PIGN: variants seen among roughly 807,000 people sequenced by gnomAD.
PIGN encodes GPI ethanolamine phosphate transferase 1.
PIGN carries 117 observed loss-of-function variants against 125.4 expected under a neutral mutation model. That is an observed-to-expected ratio of 0.93 (90% CI 0.80 to 1.09). The LOEUF (loss-of-function observed/expected upper bound fraction) is 1.09, where lower values mean the gene tolerates loss of function less well. Among genes scored for constraint, PIGN ranks in the 50% least tolerant of loss-of-function variants. PIGN has a pLI of 0.00. For synonymous variants in PIGN, 392 were observed against 377.8 expected (o/e 1.04, Z -0.44); for missense variants, 1,075 against 1,094.9 (o/e 0.98, Z 0.26).
chr18:62,030,852 A>C (rs1376119799), intron 23 of PIGN, among the ~76,000 whole-genome samples: 1 of 152,166 alleles, frequency 6.6e-6, no homozygotes, highest in Non-Finnish European at 1.5e-5. Context: ...AGTGTCATGC[A>C]CCTACTCAAG....
At chr18:62,080,112 C>G (rs1296351890) in intron 28 of PIGN, among the ~76,000 whole-genome samples, 1 of 152,130 alleles carries the variant, frequency 6.6e-6, no homozygotes, top group African/African-American at 2.4e-5. Context: ...TGCTAGATCA[C>G]ATTGTTGACA....
chr18:62,092,673 G>A (rs78543817), intron 23 of PIGN, among the ~76,000 whole-genome samples: 10,818 of 152,008 alleles, frequency 0.071, 663 homozygotes, highest in African/African-American at 0.16. Flanking sequence ...AGACAAATAC[G>A]GGGGTAACAC....
At chr18:62,116,463 A>C (rs1042443045) in intron 14 of PIGN, among the ~76,000 whole-genome samples, 7 of 152,172 alleles carry the variant, frequency 4.6e-5, no homozygotes, top group African/African-American at 1.7e-4. Flanking sequence ...CCATTATCGC[A>C]AATGTGTACC....
At position 62,041,648 on chromosome 18, in the gene PIGN, TGTGTGTGTGTG is replaced by T. The variant is rs2030383930; in HGVS notation, c.*4197_*4207del. The stretch of plus-strand genomic sequence containing the variant: ...AGCCTACCACCCCGCCGGGTGTGTG[TGTGTGTGTGTG>T]TGTGTGTGTGTGTGTGTGTGTGTGT... On this transcript the variant is annotated 3_prime_UTR_variant, in exon 31 of 31. Transcript: ENST00000640252. The T allele has an allele frequency of 9.0e-6, 1 of 110,710 alleles. No individual in the cohort carries two copies. The highest frequency in any genetic ancestry group is 3.4e-5 in the African/African-American group (1 of 29,590). The allele number at this position is 110,710 out of a possible 1,614,324, so 6.9% of individuals were successfully genotyped here. A position where few individuals can be genotyped will look rare whatever the true frequency, so the allele number is the denominator to read the frequency against.
intron 23 of PIGN, among the ~76,000 whole-genome samples, chr18:62,029,040 C>T (rs936705980): frequency 1.1e-4 from 17 of 152,174 alleles, no homozygotes; most frequent in African/African-American, 3.4e-4. Flanking sequence ...CACTGGACTG[C>T]GGACATGGAG....
chr18:62,148,152 T>C (rs1599633050), intron 8 of PIGN, 62 bp downstream of exon 8: 3 of 1,317,424 alleles, frequency 2.3e-6, no homozygotes, highest in Non-Finnish European at 3.0e-6. Context: ...AACTTTATAA[T>C]AAAAAGTTCA....
At chr18:62,065,604 T>C (rs897308168) in intron 30 of PIGN, among the ~76,000 whole-genome samples, 22 of 150,958 alleles carry the variant, frequency 1.5e-4, no homozygotes, top group African/African-American at 5.1e-4. Context: ...CCGGGCGAGG[T>C]GGTGGGCGCC....
At chr18:62,086,634 T>TA (rs201595017) in intron 25 of PIGN, among the ~76,000 whole-genome samples, 22 of 125,816 alleles carry the variant, frequency 1.7e-4, no homozygotes, top group South Asian at 4.8e-4. Flanking sequence ...TTTTTTTTTT[T>TA]AAAAAGCCTG....
At chr18:62,089,393 G>C (rs533453802) in intron 24 of PIGN, among the ~76,000 whole-genome samples, 1 of 152,166 alleles carries the variant, frequency 6.6e-6, no homozygotes, top group South Asian at 2.1e-4. Flanking sequence ...TCCACAAATA[G>C]AACACTAATG....
intron 1 of PIGN, among the ~76,000 whole-genome samples, chr18:62,167,120 T>A (rs1163815846): frequency 6.6e-6 from 1 of 151,972 alleles, no homozygotes; most frequent in Non-Finnish European, 1.5e-5. Context: ...GAATGTAAGC[T>A]CCTTAAGAAC....
intron 30 of PIGN, among the ~76,000 whole-genome samples, chr18:62,056,416 A>C (rs1256086706): frequency 6.6e-6 from 1 of 151,908 alleles, no homozygotes; most frequent in African/African-American, 2.4e-5. Context: ...CTGATTGCAC[A>C]CTTCTGAGTT....
At chr18:62,163,818 G>A (rs988530499) in intron 1 of PIGN, among the ~76,000 whole-genome samples, 162 bp from the exon 2 acceptor site, 1 of 152,066 alleles carries the variant, frequency 6.6e-6, no homozygotes, top group African/African-American at 2.4e-5. Context: ...CTATATATAC[G>A]CATTAAACAA....
chr18:62,123,319 A>G (rs1423611759), intron 14 of PIGN, among the ~76,000 whole-genome samples: 2 of 152,200 alleles, frequency 1.3e-5, no homozygotes, highest in Non-Finnish European at 2.9e-5. Flanking sequence ...AAAGTTACAT[A>G]AGTGATCAAA....
intron 29 of PIGN, 99 bp downstream of exon 29, chr18:62,074,680 C>G: frequency 1.4e-6 from 1 of 709,614 alleles, no homozygotes; most frequent in Non-Finnish European, 2.4e-6. Flanking sequence ...AACTCAACAT[C>G]TAAAGATTTC....
chr18:62,113,367 T>A (rs924101550), intron 15 of PIGN, 51 bp from the exon 16 acceptor site: 13 of 1,412,456 alleles, frequency 9.2e-6, no homozygotes, highest in Non-Finnish European at 1.2e-5. Context: ...TAAGAAAACC[T>A]ACATTTTAAA....
At chr18:62,114,738 A>C in intron 14 of PIGN, 99 bp from the exon 15 acceptor site, 1 of 547,648 alleles carries the variant, frequency 1.8e-6, no homozygotes, top group South Asian at 3.3e-5. Flanking sequence ...TGAAAATTAC[A>C]AAACAGCAAA....
In PIGN at chr18:62,161,174, G is replaced by GT. The variant is rs1568244668; in HGVS notation, c.179dup (p.Tyr60Ter). ...TAGAGTTTCCATTTTCATCTAATTC[G>GT]TAAAGTGCATCTGCTCGAAGGCCAT... ...VADGLRADAL[Y>*]ELDENGNSRA... is the part of the protein sequence containing the mutation. Residue 60 changes from tyrosine (Y) to a stop codon, truncating the protein, a stop_gained and frameshift_variant, in exon 4 of 31, where the codon TAC becomes TAAC. Transcript: ENST00000640252. LOFTEE classifies it high-confidence loss of function. The GT allele has an allele frequency of 2.1e-5, 34 of 1,613,392 alleles. No individual in the cohort carries two copies. The highest frequency in any genetic ancestry group is 2.8e-5 in the Non-Finnish European group (33 of 1,179,490).
At chr18:62,079,728 A>C (rs1374550811) in intron 28 of PIGN, among the ~76,000 whole-genome samples, 2 of 151,854 alleles carry the variant, frequency 1.3e-5, no homozygotes, top group Non-Finnish European at 2.9e-5. Flanking sequence ...AAAAAAAAAA[A>C]AACTCTGGCA....
intron 14 of PIGN, chr18:62,136,672 C>T (rs1240859395): frequency 1.9e-5 from 3 of 156,740 alleles, no homozygotes; most frequent in African/African-American, 7.2e-5. Flanking sequence ...GAATATCACA[C>T]TAGTGCAACA....
Sources: allele counts gnomAD v4.1 joint callset (sites outside exome capture counted in the v4.1 genomes callset), GRCh38; gene constraint gnomAD v4.1.1; transcripts MANE v1.5; gene names NCBI Gene and HGNC (gene_info 2026-07-23, HGNC 2026-07-21).